The following TNC variants were observed in gnomAD, a reference collection of about 807,000 sequenced individuals.
The protein encoded by TNC is tenascin.
Under a neutral mutation model 202.4 loss-of-function variants are expected in TNC, and 109 were observed. The ratio of observed to expected loss-of-function variants is 0.54; its 90% CI spans 0.46 to 0.63. The LOEUF is 0.63. Among genes scored for constraint, TNC ranks in the 30% least tolerant of loss-of-function variants. TNC has a pLI of 0.00. For missense variants in TNC, 2,756 were observed against 2,833.3 expected (o/e 0.97, Z 0.62); for synonymous variants, 1,007 against 1,089.7 (o/e 0.92, Z 1.50).
chr9:115,044,586 C>T (rs896655631), intron 17 of TNC, among the ~76,000 whole-genome samples: 10 of 151,776 alleles, frequency 6.6e-5, no homozygotes, highest in Admixed American at 4.6e-4. Flanking sequence ...TGCTTTAGAA[C>T]TGCAGGGCTT....
At chr9:115,093,317 A>C (rs1019007403) in intron 1 of TNC, among the ~76,000 whole-genome samples, 6 of 152,190 alleles carry the variant, frequency 3.9e-5, no homozygotes, top group African/African-American at 1.4e-4. Flanking sequence ...AACAAAACAA[A>C]AACAACAACA....
chr9:115,023,849 G>A, intron 27 of TNC, 124 bp downstream of exon 27: 1 of 1,147,030 alleles, frequency 8.7e-7, no homozygotes, highest in Non-Finnish European at 1.3e-6. Context: ...GGAAAAACAT[G>A]TTGTCATACA....
intron 6 of TNC, among the ~76,000 whole-genome samples, chr9:115,079,991 C>T (rs916994176): frequency 5.9e-5 from 9 of 152,270 alleles, no homozygotes; most frequent in East Asian, 3.9e-4. Context: ...CCGGCCGTGG[C>T]GGCTCATGCC....
At position 115,063,840 on chromosome 9, in the gene TNC, G is replaced by A; in HGVS notation, c.3716C>T (p.Thr1239Ile). The change falls in exon 12 of 28, where the codon ACT becomes ATT. Residue 1239 changes from threonine to isoleucine, a missense_variant. Thr to Ile is a moderately conservative substitution (Grantham distance 89). This residue lies in a region of TNC where 2,559 missense variants were observed against 2,546.0 expected (regional missense o/e 1.01). Transcript: ENST00000350763. ...GAGAGGGGTTGTGCTGAAGTCCTGA[G>A]TGACCCCGCGGATGGTGATGGTATA... is the stretch of plus-strand genomic sequence containing the variant. ...THYTITIRGVTQDFSTTPLSV... is the reference protein window; with the variant it reads ...THYTITIRGVIQDFSTTPLSV... 6.2e-7 allele frequency: 1 copy of A among 1,614,154 alleles called. No individual in the cohort carries two copies.
At chr9:115,043,919 A>G (rs1461057442) in intron 17 of TNC, among the ~76,000 whole-genome samples, 1 of 152,258 alleles carries the variant, frequency 6.6e-6, no homozygotes, top group African/African-American at 2.4e-5. Context: ...TACTGTGGGT[A>G]AAGAAATTCT....
chr9:115,112,959 TC>T (rs1295404608), intron 1 of TNC, among the ~76,000 whole-genome samples: 1 of 152,200 alleles, frequency 6.6e-6, no homozygotes, highest in Admixed American at 6.5e-5. Context: ...TGTCTATGCT[TC>T]AGGTCTCAGG....
In TNC at chr9:115,086,386, A is replaced by G; in HGVS notation, c.1345T>C (p.Cys449Arg). Residue 449 changes from cysteine to arginine, a missense_variant, in exon 3 of 28, where the codon TGT becomes CGT. Around this residue, in one of 2 missense-constraint regions of TNC, gnomAD observed 2,559 missense variants for 2,546.0 expected, o/e 1.01. Transcript: ENST00000350763. ...CPNDCHSRGRCVEGKCVCEQG... is the reference protein window; with the variant it reads ...CPNDCHSRGRRVEGKCVCEQG... ...TCACATACACATTTGCCCTCGACAC[A>G]GCGGCCCCGACTGTGACAGTCATTG... 1 of 1,614,100 alleles carries G rather than the reference A, an allele frequency of 6.2e-7. No homozygotes were observed. The highest frequency in any genetic ancestry group is 2.2e-5 in the East Asian group (1 of 44,876).
rs762386361 is a variant in TNC at position 115,048,312 on chromosome 9, A to T, written c.4800T>A (p.Ser1600=). The T allele has an allele frequency of 6.2e-7, 1 of 1,614,114 alleles. No homozygotes were observed. ...TGGTTTGATGCCCTTGGGTGAAGCC[A>T]GAGACCATAACCTCATAGCCAATGC... is the stretch of plus-strand genomic sequence containing the variant. ...ITGIGYEVMV[S]GFTQGHQTKP... The change falls in exon 16 of 28, where the codon TCT becomes TCA. Residue 1600 remains serine, a synonymous_variant. Coordinates refer to ENST00000350763, the MANE Select transcript of TNC (RefSeq NM_002160.4).
In TNC at chr9:115,073,883, G is replaced by A; in HGVS notation, c.2951-17C>T. On this transcript the variant is annotated splice_polypyrimidine_tract_variant and intron_variant, in intron 9 of 27. Coordinates refer to ENST00000350763, the MANE Select transcript of TNC (RefSeq NM_002160.4). ...TGTCCAACTCTGGGAGGAGAACAGAGAGATGAATGCTCTTCAGGCTGCAAG... is the reference window on the plus strand; with the variant it reads ...TGTCCAACTCTGGGAGGAGAACAGAAAGATGAATGCTCTTCAGGCTGCAAG... 6.2e-7 allele frequency: 1 copy of A among 1,603,500 alleles called. No individual in the cohort carries two copies. The highest frequency in any genetic ancestry group is 8.5e-7 in the Non-Finnish European group (1 of 1,179,272).
At position 115,020,831 on chromosome 9, in the gene TNC, C is replaced by T. The variant is rs752453597; in HGVS notation, c.*326G>A. On this transcript the variant is annotated 3_prime_UTR_variant, in exon 28 of 28. Coordinates refer to ENST00000350763, the MANE Select transcript of TNC (RefSeq NM_002160.4). The stretch of plus-strand genomic sequence containing the variant: ...ATACGGCTGGTTCTAAAACAAACTA[C>T]CCCTGTACATCCTACCCCTCTCCCA... The T allele has an allele frequency of 9.5e-6, 3 of 315,406 alleles. No individual in the cohort carries two copies. The highest frequency in any genetic ancestry group is 1.8e-5 in the Non-Finnish European group (3 of 167,234). The allele number at this position is 315,406 out of a possible 1,614,324, so 19.5% of individuals were successfully genotyped here.
rs975504477 is a variant in TNC at position 115,063,008 on chromosome 9, T to G, written c.3942A>C (p.Pro1314=). ...VPGSLRSMEI[P]GLRAGTPYTV... is the part of the protein sequence containing the mutation. ...TGTAAGGAGTGCCAGCCCTGAGGCC[T>G]GGGATTTCCATGGAACGCAGGCTGC... Residue 1314 remains proline, a synonymous_variant, in exon 13 of 28, where the codon CCA becomes CCC. Coordinates refer to ENST00000350763, the MANE Select transcript of TNC (RefSeq NM_002160.4). 1 of 1,613,994 alleles carries G rather than the reference T, an allele frequency of 6.2e-7. No individual in the cohort carries two copies. The highest frequency in any genetic ancestry group is 1.3e-5 in the African/African-American group (1 of 74,904).
chr9:115,109,524 C>T (rs927376158), intron 1 of TNC, among the ~76,000 whole-genome samples: 15 of 152,198 alleles, frequency 9.9e-5, no homozygotes, highest in African/African-American at 2.7e-4. Context: ...ATAGAGAGCT[C>T]TTTGTCTCCA....
chr9:115,110,612 C>T (rs945029486), intron 1 of TNC, among the ~76,000 whole-genome samples: 2 of 152,074 alleles, frequency 1.3e-5, no homozygotes, highest in Admixed American at 6.5e-5. Flanking sequence ...AAGAATTAAT[C>T]GAAGATGTTA....
At chr9:115,030,161 C>T in intron 24 of TNC, 93 bp downstream of exon 24, 1 of 1,307,138 alleles carries the variant, frequency 7.7e-7, no homozygotes, top group Non-Finnish European at 1.0e-6. Flanking sequence ...TGTCAGAGTG[C>T]ATCAGGAGGA....
At position 115,038,397 on chromosome 9, in the gene TNC, T is replaced by G; in HGVS notation, c.5393-17A>C. 1.9e-6 allele frequency: 3 copies of G among 1,613,160 alleles called. No homozygotes were observed. Among genetic ancestry groups the G allele is most frequent in the Non-Finnish European group, 2.5e-6 (3 of 1,179,454 alleles). ...CATCCAGAGCTGCAAAGAAAGATGG[T>G]GGACAGGAGGGAAGTCATTGGGTGG... On this transcript the variant is annotated splice_polypyrimidine_tract_variant and intron_variant, in intron 19 of 27. Coordinates refer to ENST00000350763, the MANE Select transcript of TNC (RefSeq NM_002160.4).
rs542499079 is a variant in TNC at position 115,086,254 on chromosome 9, C to T, written c.1477G>A (p.Gly493Arg). 62 of 1,614,224 alleles carry T rather than the reference C, an allele frequency of 3.8e-5. No homozygotes were observed. The South Asian group carries it at 5.3e-4, about 14-fold the overall frequency. Reference sequence around the variant, plus strand: ...CATTGGCGATCCCGGCAGTCTTCCCCTGTGTAGCCGTCATCACAAACACAC... The same window carrying T: ...CATTGGCGATCCCGGCAGTCTTCCCTTGTGTAGCCGTCATCACAAACACAC... The part of the protein sequence containing the change: ...GMCVCDDGYT[G>R]EDCRDRQCPR... Residue 493 changes from glycine to arginine, a missense_variant, in exon 3 of 28, where the codon GGG (glycine) becomes AGG (arginine). By Grantham distance (125) the Gly-to-Arg change is moderately radical. Transcript: ENST00000350763.
rs1335045317 is a variant in TNC, at chr9:115,087,081, C to T, written c.650G>A (p.Ser217Asn). The T allele has an allele frequency of 4.3e-6, 7 of 1,614,114 alleles. No individual in the cohort carries two copies. Among genetic ancestry groups the T allele is most frequent in the Non-Finnish European group, 5.9e-6 (7 of 1,180,058 alleles). The change falls in exon 3 of 28, where the codon AGC becomes AAC. Residue 217 changes from serine (S) to asparagine (N), a missense_variant. Around this residue, in one of 2 missense-constraint regions of TNC, gnomAD observed 2,559 missense variants for 2,546.0 expected, o/e 1.01. Coordinates refer to ENST00000350763, the MANE Select transcript of TNC (RefSeq NM_002160.4). ...GCAGTCGCTGGGGCAAGCCAGCTGGCTGCAGTCCTCGCCCGTGAAGCCGTC... is the reference window on the plus strand; with the variant it reads ...GCAGTCGCTGGGGCAAGCCAGCTGGTTGCAGTCCTCGCCCGTGAAGCCGTC... The part of the protein sequence containing the change: ...CDDGFTGEDC[S>N]QLACPSDCND...
intron 7 of TNC, among the ~76,000 whole-genome samples, chr9:115,077,249 G>T (rs1327794332): frequency 1.3e-5 from 2 of 152,190 alleles, no homozygotes; most frequent in African/African-American, 4.8e-5. Context: ...GTAGAGACGG[G>T]GTTTCACTGT....
At chr9:115,071,026 C>T (rs1049777639) in intron 10 of TNC, among the ~76,000 whole-genome samples, 5 of 152,202 alleles carry the variant, frequency 3.3e-5, no homozygotes, top group South Asian at 2.1e-4. Flanking sequence ...TCTGTACCCT[C>T]GATCGTAGTG....
Sources: allele counts gnomAD v4.1 joint callset (sites outside exome capture counted in the v4.1 genomes callset), GRCh38; gene constraint gnomAD v4.1.1; regional missense constraint gnomAD v4.1.1; transcripts MANE v1.5; gene names NCBI Gene and HGNC (gene_info 2026-07-23, HGNC 2026-07-21).